The following NUP42 variants were observed in gnomAD, a reference collection of about 807,000 sequenced individuals.
NUP42 encodes the protein nucleoporin 42.
In NUP42, 47 loss-of-function variants were observed where a neutral mutation model predicts 35.9. The observed-to-expected ratio is 1.31, with a 90% CI of 1.04 to 1.67. The LOEUF is 1.67. NUP42 is among the 40% of genes most tolerant of loss of function. The probability of loss-of-function intolerance (pLI) is 0.00; values close to 1 mark genes in which losing one functional copy is unlikely to be tolerated. For missense variants in NUP42, 514 were observed against 492.2 expected, an observed-to-expected ratio of 1.04 and a Z score of -0.42; for synonymous variants, 173 against 173.3, an observed-to-expected ratio of 1.00 and a Z score of 0.01.
At chr7:23,186,169 C>G (rs1376600774) in intron 2 of NUP42, among the ~76,000 whole-genome samples, 1 of 152,256 alleles carries the variant, frequency 6.6e-6, no homozygotes, top group East Asian at 1.9e-4. Flanking sequence ...AAATTTATGG[C>G]TGGTGTCAAA....
chr7:23,184,768 G>C (rs1444423983), intron 1 of NUP42, among the ~76,000 whole-genome samples: 4 of 152,148 alleles, frequency 2.6e-5, no homozygotes. Context: ...ACTTTGGGAG[G>C]CTGAGGCAGG....
At chr7:23,194,032 C>G (rs1450568420) in intron 3 of NUP42, among the ~76,000 whole-genome samples, 3 of 152,360 alleles carry the variant, frequency 2.0e-5, no homozygotes, top group African/African-American at 7.2e-5. Context: ...GTGGGGCCCA[C>G]CAAGCCCACG....
At chr7:23,188,029 A>G (rs566399277) in intron 3 of NUP42, 6 of 1,295,778 alleles carry the variant, frequency 4.6e-6, no homozygotes, top group Non-Finnish European at 6.1e-6. Flanking sequence ...TTTTTTGTCC[A>G]TAGTCCCTAA....
chr7:23,192,084 CAT>C (rs1160347672), intron 3 of NUP42, among the ~76,000 whole-genome samples: 1 of 152,146 alleles, frequency 6.6e-6, no homozygotes, highest in Non-Finnish European at 1.5e-5. Context: ...TCTTTCGAAA[CAT>C]ATACACACAC....
chr7:23,185,383 C>T (rs547954257), intron 2 of NUP42, 85 bp downstream of exon 2: 2 of 866,242 alleles, frequency 2.3e-6, no homozygotes, highest in South Asian at 3.3e-5. Context: ...TTTTTTGTAA[C>T]ATCTTTTCAC....
chr7:23,187,095 C>T lies in NUP42; in HGVS notation c.394C>T (p.Gln132Ter). 1.2e-6 allele frequency: 2 copies of T among 1,606,854 alleles called. No homozygotes were observed. Among genetic ancestry groups the T allele is most frequent in the South Asian group, 1.1e-5 (1 of 89,572 alleles). Reference sequence around the variant, plus strand: ...TATGGAGGTTTGGGAATCATCAGGGCAGTGGATGTTTTCTGTTTATTCACC... The same window carrying T: ...TATGGAGGTTTGGGAATCATCAGGGTAGTGGATGTTTTCTGTTTATTCACC... ...KDMEVWESSG[Q>*]WMFSVYSPVK... The change falls in exon 3 of 7, where the codon CAG becomes TAG. Residue 132 changes from glutamine (Q) to a stop codon, truncating the protein, a stop_gained. Transcript: ENST00000258742. LOFTEE classifies it high-confidence loss of function.
At chr7:23,198,795 C>T (rs1307602519) in intron 5 of NUP42, among the ~76,000 whole-genome samples, 5 of 151,928 alleles carry the variant, frequency 3.3e-5, no homozygotes, top group Admixed American at 3.3e-4. Context: ...GTCCTTTTTA[C>T]CTAATATCTA....
At chr7:23,194,950 AGT>A (rs1785961716) in intron 3 of NUP42, 1 of 152,120 alleles carries the variant, frequency 6.6e-6, no homozygotes, top group Non-Finnish European at 1.5e-5. Flanking sequence ...AGCCTCCCAA[AGT>A]GCTGCAACTA....
intron 2 of NUP42, among the ~76,000 whole-genome samples, chr7:23,186,284 T>C (rs1402151854): frequency 6.6e-6 from 1 of 152,240 alleles, no homozygotes; most frequent in Non-Finnish European, 1.5e-5. Context: ...TCAGAACCAG[T>C]TGTAGACATG....
Position 23,200,150 on chromosome 7 carries a change from TG to T in NUP42, c.695-17del, listed in dbSNP as rs1258213159. On this transcript the variant is annotated splice_polypyrimidine_tract_variant and intron_variant, in intron 6 of 6. Transcript: ENST00000258742. ...AATAGATTTTTGTTGTTTTTTTTGT[TG>T]TTGTTGTTGTTTGTAGGCTTTCCAG... 1.4e-6 allele frequency: 2 copies of T among 1,476,034 alleles called. No homozygotes were observed. The highest frequency in any genetic ancestry group is 1.3e-5 in the South Asian group (1 of 74,708). The allele number at this position is 1,476,034 out of a possible 1,614,324, so 91.4% of individuals were successfully genotyped here.
chr7:23,190,466 A>G (rs890732437), intron 3 of NUP42, among the ~76,000 whole-genome samples: 1 of 152,238 alleles, frequency 6.6e-6, no homozygotes, highest in African/African-American at 2.4e-5. Flanking sequence ...AAATGAATTA[A>G]TACTAAGTTT....
chr7:23,188,743 C>A (rs1785688893), intron 3 of NUP42, among the ~76,000 whole-genome samples: 1 of 152,160 alleles, frequency 6.6e-6, no homozygotes, highest in Non-Finnish European at 1.5e-5. Context: ...ATCCCTGAGG[C>A]CCTTTTAGGA....
chr7:23,188,600 C>A, intron 3 of NUP42: 2 of 929,356 alleles, frequency 2.2e-6, no homozygotes, highest in Non-Finnish European at 1.3e-6. Context: ...TTCAGATAAA[C>A]AGTGTTTTTA....
At chr7:23,188,353 C>T in intron 3 of NUP42, 1 of 1,123,356 alleles carries the variant, frequency 8.9e-7, no homozygotes, top group Non-Finnish European at 1.1e-6. Flanking sequence ...ATCTTACATT[C>T]TTGAGGGAGG....
At chr7:23,182,554 G>A in intron 1 of NUP42, 1 of 1,009,586 alleles carries the variant, frequency 9.9e-7, no homozygotes, top group South Asian at 3.6e-5. Flanking sequence ...CTAGCAGCTT[G>A]GGTCAGAATC....
chr7:23,194,042 G>A (rs1022248964), intron 3 of NUP42, among the ~76,000 whole-genome samples: 3 of 152,216 alleles, frequency 2.0e-5, no homozygotes, highest in African/African-American at 7.2e-5. Flanking sequence ...CCAAGCCCAC[G>A]CCCACTCGGA....
In NUP42 at chr7:23,200,348, A is replaced by G. The variant is rs1156944111; in HGVS notation, c.875A>G (p.Lys292Arg). ...TCTGCTCCAGCTTTTGGATTTGGGA[A>G]GCCTGAAGTCACATCGGCTGCATCA... ...STSAPAFGFGKPEVTSAASFS... is the reference protein window; with the variant it reads ...STSAPAFGFGRPEVTSAASFS... Residue 292 changes from lysine (K) to arginine (R), a missense_variant, in exon 7 of 7, where the codon AAG becomes AGG. By Grantham distance (26) the Lys-to-Arg change is conservative. Transcript: ENST00000258742. 3.7e-6 allele frequency: 6 copies of G among 1,611,940 alleles called. No homozygotes were observed. Among genetic ancestry groups the G allele is most frequent in the Non-Finnish European group, 5.1e-6 (6 of 1,178,866 alleles).
chr7:23,192,579 AAGG>A (rs927077936), intron 3 of NUP42, among the ~76,000 whole-genome samples: 18 of 151,978 alleles, frequency 1.2e-4, no homozygotes, highest in African/African-American at 4.3e-4. Context: ...AGAAAATCAT[AAGG>A]ATAAGAAAAT....
chr7:23,185,233 T>C lies in NUP42; in HGVS notation c.285T>C (p.Phe95=). The part of the protein sequence containing the change: ...SGASTNRKEG[F]GLSENPFASL... The stretch of plus-strand genomic sequence containing the variant: ...CTTCAACTAACAGGAAGGAAGGCTT[T>C]GGATTGTCTGAGAACCCATTTGCTT... The change falls in exon 2 of 7, where the codon TTT becomes TTC. Residue 95 remains phenylalanine (F), a synonymous_variant. Transcript: ENST00000258742. 6.2e-7 allele frequency: 1 copy of C among 1,614,182 alleles called. No homozygotes were observed.
Sources: gnomAD v4.1 joint callset for allele counts (sites outside exome capture counted in the v4.1 genomes callset) on GRCh38, gnomAD v4.1.1 for gene constraint, MANE v1.5 for transcripts, NCBI Gene and HGNC (gene_info 2026-07-23, HGNC 2026-07-21) for gene names.